CHD9: variants seen among roughly 807,000 people sequenced by gnomAD.
CHD9 encodes chromodomain helicase DNA binding protein 9, also known as ATP-dependent chromatin remodeler CHD9.
In CHD9, 77 loss-of-function variants were observed where a neutral mutation model predicts 316.1. The ratio of observed to expected loss-of-function variants is 0.24; its 90% CI spans 0.20 to 0.29. The LOEUF (loss-of-function observed/expected upper bound fraction) is 0.29, where lower values mean the gene tolerates loss of function less well. Among genes scored for constraint, CHD9 ranks in the 10% least tolerant of loss-of-function variants. The probability of loss-of-function intolerance (pLI) is 1.00; values close to 1 mark genes in which losing one functional copy is unlikely to be tolerated. For missense variants in CHD9, 2,763 were observed against 3,438.1 expected (o/e 0.80, Z 4.91); for synonymous variants, 1,129 against 1,158.3 (o/e 0.97, Z 0.51).
chr16:53,148,338 C>T (rs982236369), intron 1 of CHD9, among the ~76,000 whole-genome samples: 4 of 152,216 alleles, frequency 2.6e-5, no homozygotes, highest in Non-Finnish European at 5.9e-5. Flanking sequence ...GCCTCCTGGG[C>T]TCAAGCAGTC....
rs369203439 is a variant in CHD9, at chr16:53,303,809, C to A, written c.5803C>A (p.Arg1935=). 3.7e-6 allele frequency: 6 copies of A among 1,613,854 alleles called. No individual in the cohort carries two copies. Among genetic ancestry groups the A allele is most frequent in the East Asian group, 2.2e-5 (1 of 44,894 alleles). ...TCGCATTGAACTTCTAAGGAAAGTA[C>A]GGGAACAGGCCCTTCGACATCCACA... ...LYRIELLRKV[R]EQALRHPQLF... Residue 1935 remains arginine (R), a synonymous_variant, in exon 31 of 39, where the codon CGG becomes AGG. Transcript: ENST00000447540.
rs1417851597 is a variant in CHD9 at position 53,324,493 on chromosome 16, T to C, written c.8292T>C (p.Asn2764=). 1.2e-6 allele frequency: 2 copies of C among 1,613,952 alleles called. No individual in the cohort carries two copies. Among genetic ancestry groups the C allele is most frequent in the Admixed American group, 3.3e-5 (2 of 60,000 alleles). Residue 2764 remains asparagine, a synonymous_variant, in exon 39 of 39, where the codon AAT becomes AAC. Coordinates refer to ENST00000447540, the MANE Select transcript of CHD9 (RefSeq NM_001308319.2). ...GGACAGAGAGCCAAAGTTCAGAGAA[T>C]GGTGGAGAAAACTCTGTGTCAAGTT... ...TERTESQSSE[N]GGENSVSSSP...
intron 2 of CHD9, among the ~76,000 whole-genome samples, chr16:53,190,633 T>C (rs1763490119): frequency 6.6e-6 from 1 of 152,152 alleles, no homozygotes; most frequent in Admixed American, 6.6e-5. Context: ...CTGAGAACAC[T>C]TTCAAGTCTT....
intron 1 of CHD9, among the ~76,000 whole-genome samples, chr16:53,080,254 C>CT (rs1186524156): frequency 6.6e-6 from 1 of 152,006 alleles, no homozygotes; most frequent in Non-Finnish European, 1.5e-5. Flanking sequence ...GGGTTTTTTT[C>CT]TTTTTTTTAT....
Position 53,238,522 on chromosome 16 carries a change from A to C in CHD9, c.2813A>C (p.Tyr938Ser). ...RTWTDINVVV[Y>S]HGSLISRQMI... ...TGGACTGATATTAACGTTGTGGTTTATCATGGGAGCCTGATTAGCAGACAA... is the reference window on the plus strand; with the variant it reads ...TGGACTGATATTAACGTTGTGGTTTCTCATGGGAGCCTGATTAGCAGACAA... Residue 938 changes from tyrosine to serine, a missense_variant, in exon 12 of 39, where the codon TAT (tyrosine) becomes TCT (serine). Physicochemically the swap from Tyr to Ser is moderately radical, Grantham distance 144. Around this residue, in one of 15 missense-constraint regions of CHD9, gnomAD observed 186 missense variants for 245.0 expected, o/e 0.76. Coordinates refer to ENST00000447540, the MANE Select transcript of CHD9 (RefSeq NM_001308319.2). 2 of 1,613,286 alleles carry C rather than the reference A, an allele frequency of 1.2e-6. No individual in the cohort carries two copies. Among genetic ancestry groups the C allele is most frequent in the Non-Finnish European group, 1.7e-6 (2 of 1,179,404 alleles).
intron 1 of CHD9, among the ~76,000 whole-genome samples, chr16:53,073,453 A>G (rs1393911759): frequency 6.6e-6 from 1 of 152,236 alleles, no homozygotes; most frequent in Non-Finnish European, 1.5e-5. Context: ...TGAATGTACA[A>G]ATATCTCTTT....
At chr16:53,184,950 A>G (rs777042604) in intron 2 of CHD9, among the ~76,000 whole-genome samples, 11 of 152,172 alleles carry the variant, frequency 7.2e-5, no homozygotes, top group Non-Finnish European at 1.6e-4. Flanking sequence ...CCCTTCTGCC[A>G]TAATTGTAAG....
Position 53,156,424 on chromosome 16 carries a change from A to G in CHD9, c.335A>G (p.Asn112Ser), listed in dbSNP as rs1030817891. 5.6e-6 allele frequency: 9 copies of G among 1,613,850 alleles called. No individual in the cohort carries two copies. In the African/African-American group the frequency reaches 6.7e-5, roughly 12 times the overall value. Residue 112 changes from asparagine to serine, a missense_variant, in exon 2 of 39, where the codon AAT becomes AGT. Asn to Ser is a conservative substitution (Grantham distance 46). Transcript: ENST00000447540. Reference protein sequence around the residue: ...CSPIHPQNQPNGLFPDVSDGS... With the variant: ...CSPIHPQNQPSGLFPDVSDGS... ...CCAATCCATCCCCAAAACCAACCCAATGGTTTGTTTCCAGATGTATCAGAT... is the reference window on the plus strand; with the variant it reads ...CCAATCCATCCCCAAAACCAACCCAGTGGTTTGTTTCCAGATGTATCAGAT...
At chr16:53,238,268 A>G in intron 11 of CHD9, 75 bp from the exon 12 acceptor site, 2 of 1,253,848 alleles carry the variant, frequency 1.6e-6, no homozygotes, top group Non-Finnish European at 2.2e-6. Context: ...ATCTTTGATT[A>G]TTTTTGTATA....
At chr16:53,121,153 C>T in intron 1 of CHD9, 1 of 266,166 alleles carries the variant, frequency 3.8e-6, no homozygotes, top group South Asian at 3.9e-5. Flanking sequence ...AGCCAGAGGA[C>T]CATATCTATC....
chr16:53,055,832 A>G (rs2152487267), intron 1 of CHD9, among the ~76,000 whole-genome samples: 1 of 152,312 alleles, frequency 6.6e-6, no homozygotes, highest in African/African-American at 2.4e-5. Context: ...AAAGTGGACA[A>G]GGAACAGAAA....
intron 1 of CHD9, among the ~76,000 whole-genome samples, chr16:53,137,884 A>T (rs2039836759): frequency 6.6e-6 from 1 of 152,150 alleles, no homozygotes; most frequent in Non-Finnish European, 1.5e-5. Context: ...AGGGAATATG[A>T]TGTGTGAAGA....
intron 29 of CHD9, among the ~76,000 whole-genome samples, chr16:53,293,506 C>G (rs12149692): frequency 0.22 from 34,084 of 151,752 alleles, 4,089 homozygotes; most frequent in Middle Eastern, 0.29. Flanking sequence ...GTCCCAGCCA[C>G]TCGGGAGACT....
chr16:53,287,493 C>T (rs373023146), intron 26 of CHD9, among the ~76,000 whole-genome samples: 1 of 152,116 alleles, frequency 6.6e-6, no homozygotes, highest in East Asian at 1.9e-4. Context: ...TTTGGGAGGC[C>T]AAGGCAGGTG....
intron 1 of CHD9, among the ~76,000 whole-genome samples, chr16:53,100,033 C>G (rs899532712): frequency 1.8e-4 from 27 of 152,340 alleles, no homozygotes; most frequent in African/African-American, 5.8e-4. Context: ...CTCCTCAGCT[C>G]CCTGCCAGGC....
At chr16:53,210,688 A>G (rs948660768) in intron 3 of CHD9, among the ~76,000 whole-genome samples, 6 of 152,084 alleles carry the variant, frequency 3.9e-5, no homozygotes, top group Non-Finnish European at 7.4e-5. Context: ...AAAGTCCGCA[A>G]TAAAGAATGT....
intron 13 of CHD9, among the ~76,000 whole-genome samples, chr16:53,243,254 A>G (rs1290699931): frequency 6.6e-6 from 1 of 152,176 alleles, no homozygotes; most frequent in East Asian, 1.9e-4. Flanking sequence ...TAATTTTTAA[A>G]ATGAGACCTC....
chr16:53,265,574 G>T lies in CHD9; in HGVS notation c.4321-1720G>T, dbSNP rs187488095. Among the ~76,000 whole-genome samples the T allele has an allele frequency of 2.0e-3, 297 of 152,236 alleles. 1 individual carries two copies. The highest frequency in any genetic ancestry group is 3.4e-3 in the Non-Finnish European group (229 of 68,010). ...GCTAAAGAAAGATGATTTAATAAAT[G>T]GTGATTAGGATATTGGATTAGCATT... is the stretch of plus-strand genomic sequence containing the variant. On this transcript the variant is annotated intron_variant, in intron 20 of 38. Coordinates refer to ENST00000447540, the MANE Select transcript of CHD9 (RefSeq NM_001308319.2).
chr16:53,139,180 A>C (rs1025464742), intron 1 of CHD9, among the ~76,000 whole-genome samples: 1 of 152,216 alleles, frequency 6.6e-6, no homozygotes, highest in Non-Finnish European at 1.5e-5. Context: ...GAATTTCAGC[A>C]GGAAAATCCC....
Sources: gnomAD v4.1 joint callset for allele counts (sites outside exome capture counted in the v4.1 genomes callset) on GRCh38, gnomAD v4.1.1 for gene constraint, gnomAD v4.1.1 regional missense constraint, MANE v1.5 for transcripts, NCBI Gene and HGNC (gene_info 2026-07-23, HGNC 2026-07-21) for gene names.